ARRDC1: variants seen among roughly 807,000 people sequenced by gnomAD.
ARRDC1 encodes arrestin domain-containing protein 1.
In ARRDC1, 37 loss-of-function variants were observed where a neutral mutation model predicts 40.1. That is an observed-to-expected ratio of 0.92 (90% CI 0.71 to 1.21). The LOEUF (loss-of-function observed/expected upper bound fraction) is 1.21. ARRDC1 is among the 50% of genes most tolerant of loss of function. The probability of loss-of-function intolerance (pLI) is 0.00; values close to 1 mark genes in which losing one functional copy is unlikely to be tolerated. For synonymous variants in ARRDC1, 310 were observed against 262.5 expected (o/e 1.18, Z -1.75); for missense variants, 641 against 581.9 (o/e 1.10, Z -1.04).
At chr9:137,613,572 A>C (rs1452907490) in intron 3 of ARRDC1, 43 bp from the exon 4 acceptor site, 5 of 1,613,980 alleles carry the variant, frequency 3.1e-6, no homozygotes. Context: ...TGGGCTCTGC[A>C]GGGTGGAAGG....
intron 1 of ARRDC1, chr9:137,611,795 G>A (rs370632084): frequency 6.6e-6 from 1 of 152,612 alleles, no homozygotes; most frequent in African/African-American, 2.4e-5. Context: ...GCCAAGGATT[G>A]TGAGAGGAAT....
At chr9:137,608,907 T>C (rs778761275) in intron 1 of ARRDC1, among the ~76,000 whole-genome samples, 6 of 152,218 alleles carry the variant, frequency 3.9e-5, no homozygotes, top group Non-Finnish European at 7.3e-5. Flanking sequence ...TTGGTGTATG[T>C]GCAAAACGGG....
Position 137,614,666 on chromosome 9 carries a change from T to C in ARRDC1, c.903T>C (p.Pro301=), listed in dbSNP as rs766295381. 78 of 1,612,492 alleles carry C rather than the reference T, an allele frequency of 4.8e-5. No homozygotes were observed. Among genetic ancestry groups the C allele is most frequent in the Non-Finnish European group, 6.4e-5 (76 of 1,179,812 alleles). Residue 301 remains proline (P), a synonymous_variant, in exon 7 of 8, where the codon CCT becomes CCC. Transcript: ENST00000371421. ...VSPRPGLGLP[P]GAPPLVVPSA... ...CCCGGCCAGGCCTGGGGCTGCCTCCTGGGGCCCCACCCCTGGTGGTGCCTT... is the reference window on the plus strand; with the variant it reads ...CCCGGCCAGGCCTGGGGCTGCCTCCCGGGGCCCCACCCCTGGTGGTGCCTT...
Position 137,613,479 on chromosome 9 carries a change from G to T in ARRDC1, c.249G>T (p.Glu83Asp). The T allele has an allele frequency of 6.2e-7, 1 of 1,612,874 alleles. No individual in the cohort carries two copies. Among genetic ancestry groups the T allele is most frequent in the South Asian group, 1.1e-5 (1 of 90,998 alleles). ...CTGCAGGGAGCCTGCCCGCTGGAGA[G>T]CACAGCTTCCCCTTCCAGTTCCTGC... ...LADKGSLPAG[E>D]HSFPFQFLLP... is the part of the protein sequence containing the mutation. The change falls in exon 3 of 8, where the codon GAG becomes GAT. Residue 83 changes from glutamate (E) to aspartate (D), a missense_variant. Transcript: ENST00000371421.
intron 1 of ARRDC1, among the ~76,000 whole-genome samples, chr9:137,610,369 G>A (rs569488532): frequency 7.9e-5 from 12 of 152,178 alleles, no homozygotes; most frequent in Non-Finnish European, 1.6e-4. Context: ...CCCCCTTTCC[G>A]GCATCCTCTG....
At chr9:137,606,502 C>T (rs1842425947) in intron 1 of ARRDC1, among the ~76,000 whole-genome samples, 1 of 152,250 alleles carries the variant, frequency 6.6e-6, no homozygotes. Context: ...TGCCACAGCC[C>T]CTGGACTTGC....
rs1002794098 is a variant in ARRDC1, at chr9:137,614,650, G to T, written c.887G>T (p.Gly296Val). 1.9e-6 allele frequency: 3 copies of T among 1,612,800 alleles called. No homozygotes were observed. Among genetic ancestry groups the T allele is most frequent in the Non-Finnish European group, 1.7e-6 (2 of 1,179,860 alleles). Residue 296 changes from glycine to valine, a missense_variant, in exon 7 of 8, where the codon GGC becomes GTC. Gly to Val is a moderately radical substitution (Grantham distance 109). Transcript: ENST00000371421. ...CATGCCCCAGTGAGCCCCCGGCCAGGCCTGGGGCTGCCTCCTGGGGCCCCA... is the reference window on the plus strand; with the variant it reads ...CATGCCCCAGTGAGCCCCCGGCCAGTCCTGGGGCTGCCTCCTGGGGCCCCA... The part of the protein sequence containing the change: ...VNHAPVSPRP[G>V]LGLPPGAPPL...
At chr9:137,613,884 C>A in intron 4 of ARRDC1, 115 bp downstream of exon 4, 1 of 1,530,528 alleles carries the variant, frequency 6.5e-7, no homozygotes, top group South Asian at 1.2e-5. Flanking sequence ...GTGAGGGGGG[C>A]CAGGGTCTGG....
rs776214688 is a variant in ARRDC1 at position 137,614,453 on chromosome 9, T to C, written c.773T>C (p.Ile258Thr). Residue 258 changes from isoleucine (I) to threonine (T), a missense_variant, in exon 6 of 8, where the codon ATC becomes ACC. Ile to Thr is a moderately conservative substitution (Grantham distance 89, BLOSUM62 -1). Transcript: ENST00000371421. ...TCGGCCCTGCCGGGCTGCAGCCTCA[T>C]CCACATCGACTACTACTTACAGGTT... ...PQSALPGCSL[I>T]HIDYYLQVSL... is the part of the protein sequence containing the mutation. The C allele has an allele frequency of 2.5e-6, 4 of 1,613,384 alleles. No individual in the cohort carries two copies. The highest frequency in any genetic ancestry group is 1.7e-5 in the Admixed American group (1 of 60,020).
chr9:137,606,236 A>G (rs1261747325), intron 1 of ARRDC1, among the ~76,000 whole-genome samples: 2 of 152,002 alleles, frequency 1.3e-5, no homozygotes, highest in African/African-American at 4.8e-5. Context: ...GGCGGGGTGC[A>G]GACACCTGCT....
chr9:137,607,595 C>CA (rs1265147960), intron 1 of ARRDC1, among the ~76,000 whole-genome samples: 1 of 152,200 alleles, frequency 6.6e-6, no homozygotes, highest in Non-Finnish European at 1.5e-5. Context: ...TCGGAGCACT[C>CA]ATGGTGGGCC....
chr9:137,606,281 G>C (rs1175480676), intron 1 of ARRDC1, among the ~76,000 whole-genome samples: 1 of 152,144 alleles, frequency 6.6e-6, no homozygotes, highest in Non-Finnish European at 1.5e-5. Flanking sequence ...CCGCCAGCAG[G>C]CCTCGCCGGC....
rs567306260 is a variant in ARRDC1 at position 137,614,040 on chromosome 9, C to T, written c.444C>T (p.Asn148=). ...LNSIPDIEQP[N]VASATKKFSY... The stretch of plus-strand genomic sequence containing the variant: ...CTGGCCCTCCCCCCAAGCAACCCAA[C>T]GTGGCCTCTGCCACCAAGAAGTTCT... The change falls in exon 5 of 8, where the codon AAC becomes AAT. Residue 148 remains asparagine (N), a synonymous_variant. Transcript: ENST00000371421. 6.4e-5 allele frequency: 103 copies of T among 1,613,718 alleles called. No homozygotes were observed. In the South Asian group the frequency reaches 7.7e-4, roughly 12 times the overall value.
chr9:137,612,984 T>C lies in ARRDC1; in HGVS notation c.207T>C (p.Ser69=), dbSNP rs1842563050. Residue 69 remains serine (S), a synonymous_variant, in exon 2 of 8, where the codon AGT becomes AGC. Coordinates refer to ENST00000371421, the MANE Select transcript of ARRDC1 (RefSeq NM_152285.4). ...AWVVEEGYFN[S]SLSLADKGSL... is the part of the protein sequence containing the mutation. Reference sequence around the variant, plus strand: ...TAGTGGAGGAGGGTTACTTCAACAGTTCCCTGTCGCTGGCAGACAAGGGTA... The same window carrying C: ...TAGTGGAGGAGGGTTACTTCAACAGCTCCCTGTCGCTGGCAGACAAGGGTA... 8 of 1,613,838 alleles carry C rather than the reference T, an allele frequency of 5.0e-6. No individual in the cohort carries two copies. The highest frequency in any genetic ancestry group is 6.8e-6 in the Non-Finnish European group (8 of 1,179,840).
intron 1 of ARRDC1, chr9:137,611,401 C>G (rs975501316): frequency 6.6e-6 from 1 of 152,132 alleles, no homozygotes; most frequent in Non-Finnish European, 1.5e-5. Context: ...AAACAAAAAA[C>G]AAAAAACAAA....
chr9:137,607,950 A>G (rs1400028336), intron 1 of ARRDC1, among the ~76,000 whole-genome samples: 2 of 152,152 alleles, frequency 1.3e-5, no homozygotes, highest in African/African-American at 4.8e-5. Context: ...TTGCTTGTGC[A>G]TCTGAACACA....
intron 4 of ARRDC1, 37 bp downstream of exon 4, chr9:137,613,806 A>C (rs11137151): frequency 6.2e-7 from 1 of 1,609,798 alleles, no homozygotes; most frequent in Non-Finnish European, 8.5e-7. Context: ...GTGGGTCCCC[A>C]CCCTCATGGA....
chr9:137,606,073 G>A (rs1842417690), intron 1 of ARRDC1, among the ~76,000 whole-genome samples: 1 of 151,118 alleles, frequency 6.6e-6, no homozygotes, highest in Non-Finnish European at 1.5e-5. Context: ...GGCCTGAAGC[G>A]GGTCCACTGT....
intron 2 of ARRDC1, 107 bp from the exon 3 acceptor site, chr9:137,613,353 C>A (rs1255561277): frequency 8.0e-7 from 1 of 1,254,560 alleles, no homozygotes; most frequent in Non-Finnish European, 1.1e-6. Flanking sequence ...GACAGGGAGA[C>A]CCAGTGTGAG....
Sources: allele counts gnomAD v4.1 joint callset (sites outside exome capture counted in the v4.1 genomes callset), GRCh38; gene constraint gnomAD v4.1.1; transcripts MANE v1.5; gene names NCBI Gene and HGNC (gene_info 2026-07-23, HGNC 2026-07-21).